Variants in SHE observed in about 807,000 individuals in gnomAD.
SHE encodes Src homology 2 domain containing E.
A neutral mutation model predicts 49.8 loss-of-function variants in SHE; 11 were observed. The observed-to-expected ratio is 0.22, with a 90% CI of 0.14 to 0.37. The LOEUF is 0.37. Among genes scored for constraint, SHE ranks in the 10% least tolerant of loss-of-function variants. The pLI is 1.00. For missense variants in SHE, 624 were observed against 655.5 expected, an observed-to-expected ratio of 0.95 and a Z score of 0.52; for synonymous variants, 310 against 278.1, an observed-to-expected ratio of 1.11 and a Z score of -1.14.
In SHE at chr1:154,483,793, A is replaced by C; in HGVS notation, c.*356T>G. 1 of 946,896 alleles carries C rather than the reference A, an allele frequency of 1.1e-6. No individual in the cohort carries two copies. Among genetic ancestry groups the C allele is most frequent in the Non-Finnish European group, 1.3e-6 (1 of 781,578 alleles). 58.7% of individuals were successfully genotyped at this position (946,896 alleles called of 1,614,324 possible). On this transcript the variant is annotated 3_prime_UTR_variant, in exon 6 of 6. Transcript: ENST00000304760. ...GATCATTTGAGGTCAGGAGTTTGAG[A>C]CCAGCCTGACGAAGACGGCGAAACC...
Position 154,482,343 on chromosome 1 carries a change from T to G in SHE, c.*1806A>C. The G allele has an allele frequency of 1.0e-6, 1 of 985,300 alleles. No individual in the cohort carries two copies. Among genetic ancestry groups the G allele is most frequent in the Non-Finnish European group, 1.2e-6 (1 of 829,902 alleles). The allele number at this position is 985,300 out of a possible 1,614,324, so 61.0% of individuals were successfully genotyped here. ...TTCTTTATTAATAAAATCATTGTGTTCCAGTGAGGAAAAGTTCCTCTTAAA... is the reference window on the plus strand; with the variant it reads ...TTCTTTATTAATAAAATCATTGTGTGCCAGTGAGGAAAAGTTCCTCTTAAA... On this transcript the variant is annotated 3_prime_UTR_variant, in exon 6 of 6. Transcript: ENST00000304760.
chr1:154,472,240 G>A (rs1691764816), intron 1 of SHE, among the ~76,000 whole-genome samples: 1 of 152,234 alleles, frequency 6.6e-6, no homozygotes, highest in African/African-American at 2.4e-5. Flanking sequence ...GCATGGTAGA[G>A]TCTGTTACCA....
chr1:154,495,825 C>G (rs995531151), intron 2 of SHE, among the ~76,000 whole-genome samples: 1 of 152,080 alleles, frequency 6.6e-6, no homozygotes, highest in Non-Finnish European at 1.5e-5. Context: ...TAAAACCAGG[C>G]CTGTAATTCC....
downstream of SHE, among the ~76,000 whole-genome samples, chr1:154,478,064 A>G (rs1268137180): frequency 6.6e-6 from 1 of 152,038 alleles, no homozygotes; most frequent in Non-Finnish European, 1.5e-5. Flanking sequence ...TTTGTGACTG[A>G]CGGGTTTCAC....
intron 1 of SHE, among the ~76,000 whole-genome samples, chr1:154,471,310 A>G (rs890546785): frequency 6.6e-6 from 1 of 152,182 alleles, no homozygotes; most frequent in Admixed American, 6.5e-5. Flanking sequence ...GCTCGAGGCC[A>G]TAAGTTCAAG....
At chr1:154,493,771 C>G (rs1185791726) in intron 2 of SHE, among the ~76,000 whole-genome samples, 2 of 152,160 alleles carry the variant, frequency 1.3e-5, no homozygotes, top group Non-Finnish European at 2.9e-5. Flanking sequence ...CTATATGGTC[C>G]AGAATGCTCT....
rs921745147 is a variant in SHE at position 154,480,264 on chromosome 1, G to A, written c.*3885C>T. 5.7e-5 allele frequency: 56 copies of A among 985,312 alleles called. No individual in the cohort carries two copies. The highest frequency in any genetic ancestry group is 6.3e-5 in the Non-Finnish European group (52 of 829,946). The allele number at this position is 985,312 out of a possible 1,614,324, so 61.0% of individuals were successfully genotyped here. A position where few individuals can be genotyped will look rare whatever the true frequency, so the allele number is the denominator to read the frequency against. ...CAGTGCAATCCTGCTGAGTGTCAAG[G>A]GGTGCGGGGAAGGGAAATGAAATCG... On this transcript the variant is annotated 3_prime_UTR_variant, in exon 6 of 6. Transcript: ENST00000304760.
At chr1:154,488,074 C>T (rs1383968345) in intron 3 of SHE, among the ~76,000 whole-genome samples, 1 of 149,886 alleles carries the variant, frequency 6.7e-6, no homozygotes, top group Non-Finnish European at 1.5e-5. Context: ...CGAGCTGTAG[C>T]TGGGACTACA....
intron 1 of SHE, among the ~76,000 whole-genome samples, chr1:154,499,516 G>T (rs569169751): frequency 6.6e-6 from 1 of 152,098 alleles, no homozygotes; most frequent in Non-Finnish European, 1.5e-5. Context: ...AACATTTTCT[G>T]GGTTAGAGGG....
At chr1:154,491,265 C>CGGCAT in intron 2 of SHE, among the ~76,000 whole-genome samples, 1 of 152,310 alleles carries the variant, frequency 6.6e-6, no homozygotes, top group Non-Finnish European at 1.5e-5. Context: ...ACACTGAGAA[C>CGGCAT]GGCATGGGAG....
At chr1:154,473,192 GT>G (rs1268327809) in intron 1 of SHE, among the ~76,000 whole-genome samples, 2 of 151,832 alleles carry the variant, frequency 1.3e-5, no homozygotes, top group Non-Finnish European at 2.9e-5. Flanking sequence ...TAGAGACGGG[GT>G]TTCTCCGTGT....
At chr1:154,497,976 C>G (rs1234080793) in intron 2 of SHE, among the ~76,000 whole-genome samples, 1 of 152,088 alleles carries the variant, frequency 6.6e-6, no homozygotes, top group African/African-American at 2.4e-5. Flanking sequence ...AGCCACCACA[C>G]CCAGCCAGCA....
Position 154,479,737 on chromosome 1 carries a change from T to C in SHE, c.*4412A>G. On this transcript the variant is annotated 3_prime_UTR_variant, in exon 6 of 6. Transcript: ENST00000304760. ...CTGAACGGCTAAGAACTTGACAAAA[T>C]GAGACGCCTGTTTCAATGATTCTGT... The C allele has an allele frequency of 1.0e-6, 1 of 984,698 alleles. No homozygotes were observed. The highest frequency in any genetic ancestry group is 1.2e-6 in the Non-Finnish European group (1 of 829,272). The allele number at this position is 984,698 out of a possible 1,614,324, so 61.0% of individuals were successfully genotyped here.
At chr1:154,499,283 C>A in intron 1 of SHE, 45 bp from the exon 2 acceptor site, 4 of 1,578,386 alleles carry the variant, frequency 2.5e-6, no homozygotes, top group Non-Finnish European at 3.4e-6. Flanking sequence ...CCACCGTATA[C>A]CAAAATGGCA....
At chr1:154,488,446 A>G (rs1244462617) in intron 3 of SHE, among the ~76,000 whole-genome samples, 1 of 151,974 alleles carries the variant, frequency 6.6e-6, no homozygotes, top group African/African-American at 2.4e-5. Flanking sequence ...TTTAGTAGAG[A>G]CAGGGTTTTA....
At chr1:154,495,434 CAT>C (rs1229721045) in intron 2 of SHE, among the ~76,000 whole-genome samples, 1 of 152,144 alleles carries the variant, frequency 6.6e-6, no homozygotes, top group Non-Finnish European at 1.5e-5. Context: ...ATAATTTACT[CAT>C]AAACTCATAA....
Position 154,502,061 on chromosome 1 carries a change from G to C in SHE, c.-35C>G. On this transcript the variant is annotated 5_prime_UTR_variant, in exon 1 of 6. Transcript: ENST00000304760. ...CTGGGGCGCTGGAGGCCGCGGCGAG[G>C]CCCCGCGACGGCTGCTCCGTGCGCC... is the stretch of plus-strand genomic sequence containing the variant. The C allele has an allele frequency of 8.0e-7, 1 of 1,257,322 alleles. No individual in the cohort carries two copies. The highest frequency in any genetic ancestry group is 3.0e-4 in the Middle Eastern group (1 of 3,320). The allele number at this position is 1,257,322 out of a possible 1,614,324, so 77.9% of individuals were successfully genotyped here. A position where few individuals can be genotyped will look rare whatever the true frequency, so the allele number is the denominator to read the frequency against.
Position 154,483,520 on chromosome 1 carries a change from T to C in SHE, c.*629A>G, listed in dbSNP as rs1203368192. 1.0e-6 allele frequency: 1 copy of C among 985,292 alleles called. No individual in the cohort carries two copies. The highest frequency in any genetic ancestry group is 1.2e-6 in the Non-Finnish European group (1 of 829,950). 61.0% of individuals were successfully genotyped at this position (985,292 alleles called of 1,614,324 possible). On this transcript the variant is annotated 3_prime_UTR_variant, in exon 6 of 6. Transcript: ENST00000304760. ...ATTCCAGGTAACAAGTAGGCACATT[T>C]CTAGAGAACTCTGATGCTCCTGAAC...
chr1:154,499,027 T>G lies in SHE; in HGVS notation c.718+85A>C. 2.0e-6 allele frequency: 3 copies of G among 1,501,550 alleles called. 1 individual carries two copies. In the South Asian group the frequency reaches 4.0e-5, roughly 20 times the overall value. 93.0% of individuals were successfully genotyped at this position (1,501,550 alleles called of 1,614,324 possible). On this transcript the variant is annotated intron_variant, in intron 2 of 5. Coordinates refer to ENST00000304760, the MANE Select transcript of SHE (RefSeq NM_001010846.3). The stretch of plus-strand genomic sequence containing the variant: ...ATCTGGGTAAATTGCTTTATCCCTC[T>G]TCCCCAATAGACACCGGTTACTATA...
Sources: gnomAD v4.1 joint callset for allele counts (sites outside exome capture counted in the v4.1 genomes callset) on GRCh38, gnomAD v4.1.1 for gene constraint, MANE v1.5 for transcripts, NCBI Gene and HGNC (gene_info 2026-07-23, HGNC 2026-07-21) for gene names.